FAM168A: variants seen among roughly 807,000 people sequenced by gnomAD.
FAM168A encodes protein FAM168A.
Under a neutral mutation model 28.5 loss-of-function variants are expected in FAM168A, and 3 were observed. That is an observed-to-expected ratio of 0.11 (90% CI 0.05 to 0.27). The LOEUF (loss-of-function observed/expected upper bound fraction) is 0.27. FAM168A is among the 10% of genes least tolerant of loss of function. The pLI, the probability that FAM168A is intolerant of heterozygous loss-of-function variation, is 1.00. For missense variants in FAM168A, 222 were observed against 311.5 expected, an observed-to-expected ratio of 0.71 and a Z score of 2.16; for synonymous variants, 122 against 124.2, an observed-to-expected ratio of 0.98 and a Z score of 0.12.
Position 73,402,295 on chromosome 11 carries a change from A to T in FAM168A, c.*4468T>A, listed in dbSNP as rs11235737. ...AATGGGGCCCACCCCCTCTGGGCAC[A>T]GAACAAAGCTGAGGAATTTGATATG... On this transcript the variant is annotated 3_prime_UTR_variant, in exon 8 of 8. Transcript: ENST00000356467. 6.6e-6 allele frequency: 1 copy of T among 152,272 alleles called. No homozygotes were observed. Among genetic ancestry groups the T allele is most frequent in the Non-Finnish European group, 1.5e-5 (1 of 68,048 alleles). The allele number at this position is 152,272 out of a possible 1,614,324, so 9.4% of individuals were successfully genotyped here.
At chr11:73,546,923 TAAC>T (rs755349832) in intron 1 of FAM168A, among the ~76,000 whole-genome samples, 25 of 150,682 alleles carry the variant, frequency 1.7e-4, no homozygotes, top group South Asian at 2.1e-4. Context: ...TATGAAAAAA[TAAC>T]AACAACAACA....
rs1336243311 is a variant in FAM168A, at chr11:73,401,969, A to C, written c.*4794T>G. ...TTTCTAGGAAAGGGGCAGATAAGTA[A>C]AGGACAAACCCTGCAGCCCCCTTGG... On this transcript the variant is annotated 3_prime_UTR_variant, in exon 8 of 8. Transcript: ENST00000356467. 1 of 152,234 alleles carries C rather than the reference A, an allele frequency of 6.6e-6. No homozygotes were observed. Among genetic ancestry groups the C allele is most frequent in the Non-Finnish European group, 1.5e-5 (1 of 68,040 alleles). The allele number at this position is 152,234 out of a possible 1,614,324, so 9.4% of individuals were successfully genotyped here. A position where few individuals can be genotyped will look rare whatever the true frequency, so the allele number is the denominator to read the frequency against.
intron 2 of FAM168A, among the ~76,000 whole-genome samples, chr11:73,459,126 C>T (rs1465499716): frequency 6.6e-6 from 1 of 151,982 alleles, no homozygotes; most frequent in East Asian, 1.9e-4. Flanking sequence ...CTCTGTCACC[C>T]AGGCTGGAGT....
At chr11:73,537,994 T>C (rs1943603442) in intron 1 of FAM168A, among the ~76,000 whole-genome samples, 1 of 152,156 alleles carries the variant, frequency 6.6e-6, no homozygotes, top group Non-Finnish European at 1.5e-5. Context: ...ACTTGATCCT[T>C]TCCTATATAT....
At chr11:73,488,334 C>T (rs1464673853) in intron 1 of FAM168A, among the ~76,000 whole-genome samples, 1 of 151,942 alleles carries the variant, frequency 6.6e-6, no homozygotes, top group African/African-American at 2.4e-5. Context: ...TTTCACCACA[C>T]TGGCCAGGCT....
At chr11:73,498,108 A>C (rs186286460) in intron 1 of FAM168A, among the ~76,000 whole-genome samples, 9 of 152,320 alleles carry the variant, frequency 5.9e-5, no homozygotes, top group Non-Finnish European at 1.2e-4. Flanking sequence ...AGCTAAGAGC[A>C]GTGACTCTGG....
intron 1 of FAM168A, among the ~76,000 whole-genome samples, chr11:73,589,455 T>C (rs1284596580): frequency 2.7e-5 from 4 of 146,414 alleles, no homozygotes; most frequent in Non-Finnish European, 6.0e-5. Flanking sequence ...GACTTGGGCT[T>C]CACATAAAAT....
chr11:73,502,923 A>C (rs940320477), intron 1 of FAM168A, among the ~76,000 whole-genome samples: 1 of 152,232 alleles, frequency 6.6e-6, no homozygotes, highest in Non-Finnish European at 1.5e-5. Flanking sequence ...CAATAGATGC[A>C]GAAAAGGCCT....
At chr11:73,574,201 G>C (rs1379435093) in intron 1 of FAM168A, among the ~76,000 whole-genome samples, 2 of 152,130 alleles carry the variant, frequency 1.3e-5, no homozygotes, top group Non-Finnish European at 1.5e-5. Context: ...ATCTTGGCTG[G>C]CATTTTTCCA....
chr11:73,567,879 C>A (rs1944040487), intron 1 of FAM168A, among the ~76,000 whole-genome samples: 1 of 152,206 alleles, frequency 6.6e-6, no homozygotes, highest in African/African-American at 2.4e-5. Flanking sequence ...TAGATGATTT[C>A]ATGGAGCAGA....
chr11:73,561,572 T>C (rs1328816039), intron 1 of FAM168A, among the ~76,000 whole-genome samples: 1 of 152,108 alleles, frequency 6.6e-6, no homozygotes, highest in Non-Finnish European at 1.5e-5. Context: ...GTGGAATAAA[T>C]ACAAAGACCA....
chr11:73,526,880 A>AC (rs1943453580), intron 1 of FAM168A, among the ~76,000 whole-genome samples: 1 of 151,360 alleles, frequency 6.6e-6, no homozygotes, highest in African/African-American at 2.4e-5. Flanking sequence ...AAAAAAAAAA[A>AC]AAAAAAAAAA....
chr11:73,484,498 G>GGAGAGAGAGAGA (rs201878144), intron 1 of FAM168A, among the ~76,000 whole-genome samples: 7 of 143,164 alleles, frequency 4.9e-5, no homozygotes, highest in African/African-American at 1.3e-4. Context: ...AGAACTAAGA[G>GGAGAGAGAGAGA]GAGAGAGAGA....
At chr11:73,447,330 C>T (rs769596201) in intron 2 of FAM168A, among the ~76,000 whole-genome samples, 1 of 151,938 alleles carries the variant, frequency 6.6e-6, no homozygotes, top group Non-Finnish European at 1.5e-5. Flanking sequence ...AGGAGAATTG[C>T]TTGAGCCCAG....
intron 1 of FAM168A, among the ~76,000 whole-genome samples, chr11:73,557,963 A>C (rs568839846): frequency 6.6e-6 from 1 of 152,168 alleles, no homozygotes; most frequent in Non-Finnish European, 1.5e-5. Context: ...GGACAACTGA[A>C]TATCTACAGG....
At chr11:73,426,375 C>T (rs1302298844) in intron 3 of FAM168A, among the ~76,000 whole-genome samples, 2 of 152,312 alleles carry the variant, frequency 1.3e-5, no homozygotes, top group Middle Eastern at 3.4e-3. Context: ...AAATGTTTCC[C>T]TGCATCCTGG....
At chr11:73,589,106 C>CTATG (rs1371910960) in intron 1 of FAM168A, among the ~76,000 whole-genome samples, 1 of 152,190 alleles carries the variant, frequency 6.6e-6, no homozygotes, top group Non-Finnish European at 1.5e-5. Flanking sequence ...ACCACCCAGT[C>CTATG]TATGGCATTT....
chr11:73,525,462 C>T (rs1943436709), intron 1 of FAM168A, among the ~76,000 whole-genome samples: 1 of 152,190 alleles, frequency 6.6e-6, no homozygotes, highest in African/African-American at 2.4e-5. Context: ...TTGGGAATGT[C>T]ACCTCTCAGC....
At chr11:73,582,964 C>G (rs578018521) in intron 1 of FAM168A, among the ~76,000 whole-genome samples, 1 of 152,204 alleles carries the variant, frequency 6.6e-6, no homozygotes, top group South Asian at 2.1e-4. Context: ...GACAACACAA[C>G]GGGCAGGGAG....
Sources: gnomAD v4.1 joint callset for allele counts (sites outside exome capture counted in the v4.1 genomes callset) on GRCh38, gnomAD v4.1.1 for gene constraint, MANE v1.5 for transcripts, NCBI Gene and HGNC (gene_info 2026-07-23, HGNC 2026-07-21) for gene names.